Variants in TCERG1 observed in about 807,000 individuals in gnomAD.
The protein encoded by TCERG1 is transcription elongation regulator 1.
In TCERG1, 37 loss-of-function variants were observed where a neutral mutation model predicts 144.7. That is an observed-to-expected ratio of 0.26 (90% CI 0.20 to 0.34). TCERG1 has a LOEUF of 0.34. TCERG1 is among the 10% of genes least tolerant of loss of function. The pLI, the probability that TCERG1 is intolerant of heterozygous loss-of-function variation, is 1.00. For synonymous variants in TCERG1, 492 were observed against 458.2 expected (o/e 1.07, Z -0.94); for missense variants, 1,027 against 1,380.7 (o/e 0.74, Z 4.06).
At position 146,455,062 on chromosome 5, in the gene TCERG1, C is replaced by T. The variant is rs78837032; in HGVS notation, c.66C>T (p.Ala22=). The part of the protein sequence containing the change: ...ERFNPGELRM[A]QQQALRFRGP... ...TCCTTGCTTTCCCATGCAGGATGGCCCAACAGCAGGCCTTGAGGTTCCGAG... is the reference window on the plus strand; with the variant it reads ...TCCTTGCTTTCCCATGCAGGATGGCTCAACAGCAGGCCTTGAGGTTCCGAG... The change falls in exon 2 of 23, where the codon GCC becomes GCT. Residue 22 remains alanine (A), a synonymous_variant. Coordinates refer to ENST00000679501, the MANE Select transcript of TCERG1 (RefSeq NM_001382548.1). 33,504 of 1,614,136 alleles carry T rather than the reference C, an allele frequency of 0.021. 458 individuals are homozygous for T. Among genetic ancestry groups the T allele is most frequent in the African/African-American group, 0.042 (3,114 of 75,032 alleles).
intron 17 of TCERG1, chr5:146,499,785 C>CT (rs944702765): frequency 5.9e-5 from 9 of 152,192 alleles, no homozygotes; most frequent in Admixed American, 2.0e-4. Flanking sequence ...TTTCTAAACA[C>CT]TTTTTTTATA....
chr5:146,506,363 G>T (rs1424062420), intron 19 of TCERG1, among the ~76,000 whole-genome samples: 9 of 152,164 alleles, frequency 5.9e-5, no homozygotes, highest in African/African-American at 2.2e-4. Flanking sequence ...CTATTATACT[G>T]TCTTCTTCTT....
At chr5:146,508,936 ATTCT>A (rs1561712316) in intron 21 of TCERG1, among the ~76,000 whole-genome samples, 1 of 152,200 alleles carries the variant, frequency 6.6e-6, no homozygotes. Context: ...ATGATTCCTC[ATTCT>A]TTCTATTTGC....
At chr5:146,482,831 G>A (rs1430457449) in intron 14 of TCERG1, 104 bp downstream of exon 14, 3 of 1,322,530 alleles carry the variant, frequency 2.3e-6, no homozygotes, top group South Asian at 2.4e-5. Flanking sequence ...GTTATGGGGG[G>A]GGATAAGGGG....
chr5:146,511,102 T>TC lies in TCERG1; in HGVS notation c.*462dup. 1 of 152,914 alleles carries TC rather than the reference T, an allele frequency of 6.5e-6. No individual in the cohort carries two copies. The highest frequency in any genetic ancestry group is 2.1e-4 in the South Asian group (1 of 4,832). The allele number at this position is 152,914 out of a possible 1,614,324, so 9.5% of individuals were successfully genotyped here. ...AACACTGAAAATTGAATTCTTATCT[T>TC]CCAGAGGCTACAATTATTATAATGG... On this transcript the variant is annotated 3_prime_UTR_variant, in exon 23 of 23. Coordinates refer to ENST00000679501, the MANE Select transcript of TCERG1 (RefSeq NM_001382548.1).
At chr5:146,476,483 G>T (rs1764846532) in intron 9 of TCERG1, among the ~76,000 whole-genome samples, 2 of 152,024 alleles carry the variant, frequency 1.3e-5, no homozygotes. Context: ...TGTTTTAAAG[G>T]CACTTGGAAT....
intron 1 of TCERG1, among the ~76,000 whole-genome samples, chr5:146,447,747 T>A (rs1423755115): frequency 6.6e-6 from 1 of 152,066 alleles, no homozygotes; most frequent in Non-Finnish European, 1.5e-5. Context: ...CCGACCTGAG[T>A]CTGTCCCCAG....
chr5:146,476,071 GCTTAT>G (rs1764814627), intron 9 of TCERG1, among the ~76,000 whole-genome samples: 1 of 151,944 alleles, frequency 6.6e-6, no homozygotes, highest in Non-Finnish European at 1.5e-5. Flanking sequence ...GATGTTCTAG[GCTTAT>G]CTTGTATATA....
At chr5:146,501,070 T>C (rs1019492898) in intron 17 of TCERG1, among the ~76,000 whole-genome samples, 1 of 152,070 alleles carries the variant, frequency 6.6e-6, no homozygotes, top group African/African-American at 2.4e-5. Flanking sequence ...TCTTAAGCTA[T>C]TTTATTGTAA....
chr5:146,464,391 T>C (rs76086209), intron 5 of TCERG1, among the ~76,000 whole-genome samples: 9,692 of 152,294 alleles, frequency 0.064, 426 homozygotes, highest in Non-Finnish European at 0.085. Flanking sequence ...AAACAATTCA[T>C]ATAAAACAGG....
At chr5:146,493,427 TA>T (rs778669206) in intron 16 of TCERG1, among the ~76,000 whole-genome samples, 5 of 152,094 alleles carry the variant, frequency 3.3e-5, no homozygotes, top group Non-Finnish European at 7.4e-5. Flanking sequence ...AGTGTCTAGT[TA>T]ATGGTCATGT....
chr5:146,505,258 C>A (rs372511195), intron 19 of TCERG1, among the ~76,000 whole-genome samples: 2 of 152,158 alleles, frequency 1.3e-5, no homozygotes, highest in African/African-American at 4.8e-5. Flanking sequence ...TAATTTCTCT[C>A]CCTACCTCTA....
intron 9 of TCERG1, among the ~76,000 whole-genome samples, chr5:146,472,935 G>A (rs978340405): frequency 1.3e-5 from 2 of 152,010 alleles, no homozygotes; most frequent in Admixed American, 1.3e-4. Context: ...GGATGGTCTC[G>A]ATCTCCTGAC....
At chr5:146,475,841 A>G (rs1296963581) in intron 9 of TCERG1, among the ~76,000 whole-genome samples, 1 of 152,170 alleles carries the variant, frequency 6.6e-6, no homozygotes, top group East Asian at 1.9e-4. Context: ...TACAAATTGT[A>G]TAGGAAGGGA....
chr5:146,508,609 G>C (rs1467191383), intron 21 of TCERG1, among the ~76,000 whole-genome samples: 1 of 152,158 alleles, frequency 6.6e-6, no homozygotes, highest in Non-Finnish European at 1.5e-5. Flanking sequence ...TGACTGTTTA[G>C]AATTGATAAT....
rs1767661139 is a variant in TCERG1, at chr5:146,503,412, A to G, written c.2471A>G (p.His824Arg). 1 of 1,613,552 alleles carries G rather than the reference A, an allele frequency of 6.2e-7. No homozygotes were observed. Among genetic ancestry groups the G allele is most frequent in the African/African-American group, 1.3e-5 (1 of 74,846 alleles). The change falls in exon 18 of 23, where the codon CAC (histidine) becomes CGC (arginine). Residue 824 changes from histidine to arginine, a missense_variant. Transcript: ENST00000679501. ...SDFFELLSNH[H>R]LDSQSRWSKV... ...TTCTTTGAACTATTATCTAATCATC[A>G]CTTGGACAGTCAGTCTCGATGGAGC...
intron 15 of TCERG1, among the ~76,000 whole-genome samples, chr5:146,487,078 ACT>A (rs915228158): frequency 1.4e-5 from 2 of 141,342 alleles, no homozygotes; most frequent in African/African-American, 5.1e-5. Context: ...TGACAGCAAG[ACT>A]CTGTCTCAAA....
In TCERG1 at chr5:146,480,024, ATAGT is replaced by A. The variant is rs763659405; in HGVS notation, c.1820-1_1822del. Reference sequence around the variant, plus strand: ...AAATATTTTAATTAAATTTTGTCTTATAGTTAAAGAGGAACAAGAATTAATGGAA... The same window carrying A: ...AAATATTTTAATTAAATTTTGTCTTATAAAGAGGAACAAGAATTAATGGAA... On this transcript the variant is annotated splice_acceptor_variant and splice_polypyrimidine_tract_variant and coding_sequence_variant and intron_variant, in exon 12 of 23. Coordinates refer to ENST00000679501, the MANE Select transcript of TCERG1 (RefSeq NM_001382548.1). LOFTEE classifies it high-confidence loss of function. The A allele has an allele frequency of 1.3e-5, 20 of 1,597,168 alleles. No homozygotes were observed. Among genetic ancestry groups the A allele is most frequent in the Non-Finnish European group, 3.4e-6 (4 of 1,172,196 alleles).
intron 5 of TCERG1, among the ~76,000 whole-genome samples, chr5:146,466,997 C>T (rs1763849864): frequency 6.6e-6 from 1 of 152,146 alleles, no homozygotes; most frequent in Admixed American, 6.5e-5. Context: ...CTGTAACTTC[C>T]TTAACCAAAT....
Sources: allele counts gnomAD v4.1 joint callset (sites outside exome capture counted in the v4.1 genomes callset), GRCh38; gene constraint gnomAD v4.1.1; transcripts MANE v1.5; gene names NCBI Gene and HGNC (gene_info 2026-07-23, HGNC 2026-07-21).